Variants in TFAP2D observed in about 807,000 individuals in gnomAD.
TFAP2D encodes transcription factor AP-2 delta, also known as transcription factor AP-2-delta.
Under a neutral mutation model 43.6 loss-of-function variants are expected in TFAP2D, and 9 were observed. The ratio of observed to expected loss-of-function variants is 0.21; its 90% confidence interval spans 0.12 to 0.36. The LOEUF (loss-of-function observed/expected upper bound fraction) is 0.36, where lower values mean the gene tolerates loss of function less well. Among genes scored for constraint, TFAP2D ranks in the 10% least tolerant of loss-of-function variants. The pLI, the probability that TFAP2D is intolerant of heterozygous loss-of-function variation, is 1.00. For missense variants in TFAP2D, 513 were observed against 561.4 expected, an observed-to-expected ratio of 0.91 and a Z score of 0.87; for synonymous variants, 256 against 224.9, an observed-to-expected ratio of 1.14 and a Z score of -1.24.
chr6:50,765,559 C>G (rs776002986), intron 7 of TFAP2D, among the ~76,000 whole-genome samples: 7 of 152,198 alleles, frequency 4.6e-5, no homozygotes, highest in Non-Finnish European at 1.0e-4. Flanking sequence ...GCCATCCTAA[C>G]AAATGTGAAG....
chr6:50,730,332 C>A (rs1653483042), intron 5 of TFAP2D, among the ~76,000 whole-genome samples: 1 of 152,124 alleles, frequency 6.6e-6, no homozygotes, highest in Non-Finnish European at 1.5e-5. Context: ...GCTGTGTTCC[C>A]TGATAGTAGT....
intron 5 of TFAP2D, among the ~76,000 whole-genome samples, chr6:50,732,475 A>G (rs777693324): frequency 3.9e-5 from 6 of 152,182 alleles, no homozygotes; most frequent in Non-Finnish European, 7.4e-5. Flanking sequence ...CATAATATTG[A>G]GCATAGGAGA....
intron 7 of TFAP2D, among the ~76,000 whole-genome samples, chr6:50,771,640 T>G (rs1769530128): frequency 6.6e-6 from 1 of 152,240 alleles, no homozygotes; most frequent in South Asian, 2.1e-4. Flanking sequence ...TCAAGTCATG[T>G]GTTAAATATT....
intron 1 of TFAP2D, 128 bp downstream of exon 1, chr6:50,714,222 T>G: frequency 2.9e-6 from 3 of 1,034,686 alleles, no homozygotes; most frequent in Non-Finnish European, 4.2e-6. Flanking sequence ...TTACGTTTAA[T>G]TATAATCTGT....
chr6:50,750,621 C>A (rs1018398588), intron 6 of TFAP2D, among the ~76,000 whole-genome samples: 4 of 151,804 alleles, frequency 2.6e-5, no homozygotes. Flanking sequence ...GAAAAGTTAC[C>A]TTGAGGGTAA....
intron 5 of TFAP2D, among the ~76,000 whole-genome samples, chr6:50,730,703 A>G (rs1768875169): frequency 6.6e-6 from 1 of 152,124 alleles, no homozygotes; most frequent in South Asian, 2.1e-4. Context: ...ACTCCACAGA[A>G]GAGTCAATTG....
intron 3 of TFAP2D, among the ~76,000 whole-genome samples, chr6:50,724,482 C>G (rs1768776603): frequency 6.6e-6 from 1 of 152,176 alleles, no homozygotes; most frequent in Non-Finnish European, 1.5e-5. Flanking sequence ...GGAGAGGATG[C>G]GCGCACCGGC....
At chr6:50,719,291 C>T (rs780290023) in intron 3 of TFAP2D, 141 bp downstream of exon 3, 6 of 847,428 alleles carry the variant, frequency 7.1e-6, no homozygotes, top group Non-Finnish European at 1.1e-5. Flanking sequence ...TAGTCCAACA[C>T]TGGCATATCC....
Position 50,715,162 on chromosome 6 carries a change from G to C in TFAP2D, c.86G>C (p.Cys29Ser). 2 of 1,614,030 alleles carry C rather than the reference G, an allele frequency of 1.2e-6. No homozygotes were observed. Among genetic ancestry groups the C allele is most frequent in the Non-Finnish European group, 1.7e-6 (2 of 1,180,014 alleles). Residue 29 changes from cysteine to serine, a missense_variant, in exon 2 of 8, where the codon TGT (cysteine) becomes TCT (serine). Physicochemically the swap from Cys to Ser is moderately radical, Grantham distance 112 (BLOSUM62 -1). Transcript: ENST00000008391. ...SNSYRLMQLG[C>S]LESVANSTVA... ...AGCTACCGTTTGATGCAGCTTGGCT[G>C]TCTGGAGTCAGTAGCCAATTCCACT... is the stretch of plus-strand genomic sequence containing the variant.
chr6:50,715,743 TCTCTCTCACACACACACACA>T, intron 2 of TFAP2D, 130 bp downstream of exon 2: 1 of 675,916 alleles, frequency 1.5e-6, no homozygotes, highest in South Asian at 2.0e-5. Context: ...TCTCTCTCTC[TCTCTCTCACACACACACACA>T]CACACACACA....
At chr6:50,761,663 T>C (rs1769365940) in intron 7 of TFAP2D, among the ~76,000 whole-genome samples, 1 of 152,084 alleles carries the variant, frequency 6.6e-6, no homozygotes, top group Admixed American at 6.6e-5. Flanking sequence ...TAATTTAAAT[T>C]AGTTTAGACA....
At chr6:50,751,474 G>C (rs1286477382) in intron 7 of TFAP2D, 150 bp downstream of exon 7, 2 of 533,070 alleles carry the variant, frequency 3.8e-6, no homozygotes, top group Non-Finnish European at 6.7e-6. Context: ...CCTTAGACTG[G>C]GTAATTTATA....
intron 5 of TFAP2D, among the ~76,000 whole-genome samples, chr6:50,732,940 C>T (rs1768913948): frequency 6.6e-6 from 1 of 151,812 alleles, no homozygotes; most frequent in South Asian, 2.1e-4. Context: ...TTTTCAAATC[C>T]ACATATTAGA....
At position 50,719,155 on chromosome 6, in the gene TFAP2D, GT is replaced by G. The variant is rs750784597; in HGVS notation, c.598+6del. ...AAGGTGGAGTGATAAGAAGAGGTAA[GT>G]AACAAGTAACAACATGTTAACCCTA... is the stretch of plus-strand genomic sequence containing the variant. On this transcript the variant is annotated splice_donor_region_variant and intron_variant, in intron 3 of 7. Transcript: ENST00000008391. 15 of 1,613,182 alleles carry G rather than the reference GT, an allele frequency of 9.3e-6. No individual in the cohort carries two copies. Among genetic ancestry groups the G allele is most frequent in the Non-Finnish European group, 1.3e-5 (15 of 1,179,470 alleles).
intron 3 of TFAP2D, among the ~76,000 whole-genome samples, chr6:50,719,492 AGAAAG>A (rs1768685013): frequency 7.4e-6 from 1 of 135,982 alleles, no homozygotes; most frequent in Non-Finnish European, 1.7e-5. Context: ...AAAGAAAGAA[AGAAAG>A]AAAGAAGTTT....
intron 7 of TFAP2D, among the ~76,000 whole-genome samples, chr6:50,763,140 T>C (rs1769388811): frequency 1.3e-5 from 2 of 152,136 alleles, no homozygotes; most frequent in South Asian, 4.1e-4. Flanking sequence ...AATTAAGCTG[T>C]CTATCACACT....
At chr6:50,749,720 T>C (rs1769174416) in intron 6 of TFAP2D, among the ~76,000 whole-genome samples, 1 of 151,876 alleles carries the variant, frequency 6.6e-6, no homozygotes, top group South Asian at 2.1e-4. Context: ...ACAGGTATAT[T>C]TCATAAAGCA....
chr6:50,757,211 C>T (rs1769277300), intron 7 of TFAP2D, among the ~76,000 whole-genome samples: 1 of 148,246 alleles, frequency 6.7e-6, no homozygotes. Context: ...GAGGATTATC[C>T]CATTCTTTAG....
At chr6:50,754,940 G>A (rs188811028) in intron 7 of TFAP2D, among the ~76,000 whole-genome samples, 1 of 151,494 alleles carries the variant, frequency 6.6e-6, no homozygotes, top group Non-Finnish European at 1.5e-5. Flanking sequence ...TTGTGTCTTT[G>A]GTACATAGTT....
Sources: allele counts gnomAD v4.1 joint callset (sites outside exome capture counted in the v4.1 genomes callset), GRCh38; gene constraint gnomAD v4.1.1; transcripts MANE v1.5; gene names NCBI Gene and HGNC (gene_info 2026-07-23, HGNC 2026-07-21).